CORIN: variants seen among roughly 807,000 people sequenced by gnomAD.
The protein encoded by CORIN is atrial natriuretic peptide-converting enzyme.
CORIN carries 117 observed loss-of-function variants against 125.3 expected under a neutral mutation model. That is an observed-to-expected ratio of 0.93 (90% CI 0.80 to 1.09). The LOEUF (loss-of-function observed/expected upper bound fraction) is 1.09. CORIN is among the 50% of genes least tolerant of loss of function. The pLI is 0.00. For missense variants in CORIN, 1,253 were observed against 1,306.7 expected (o/e 0.96, Z 0.63); for synonymous variants, 450 against 466.4 (o/e 0.96, Z 0.45).
intron 19 of CORIN, among the ~76,000 whole-genome samples, chr4:47,603,882 G>A (rs1406499415): frequency 6.6e-6 from 1 of 152,136 alleles, no homozygotes; most frequent in African/African-American, 2.4e-5. Context: ...TTCCTGAATG[G>A]GGCTAGTCTT....
intron 5 of CORIN, among the ~76,000 whole-genome samples, chr4:47,701,826 G>A (rs1371058185): frequency 6.6e-6 from 1 of 151,384 alleles, no homozygotes; most frequent in African/African-American, 2.4e-5. Context: ...AGGGCGGGAG[G>A]GAGGGGTGAG....
chr4:47,819,596 G>T (rs1577950804), intron 1 of CORIN, among the ~76,000 whole-genome samples: 1 of 152,074 alleles, frequency 6.6e-6, no homozygotes, highest in African/African-American at 2.4e-5. Flanking sequence ...GAGACATGAA[G>T]GGAATCAGAG....
At chr4:47,820,310 A>G (rs1732453445) in intron 1 of CORIN, among the ~76,000 whole-genome samples, 1 of 152,128 alleles carries the variant, frequency 6.6e-6, no homozygotes, top group Non-Finnish European at 1.5e-5. Flanking sequence ...ACGTCAGACT[A>G]GGAGCTTGGG....
intron 16 of CORIN, among the ~76,000 whole-genome samples, chr4:47,641,037 G>A (rs1210145547): frequency 1.3e-5 from 2 of 152,026 alleles, no homozygotes; most frequent in Non-Finnish European, 2.9e-5. Context: ...TAAAGATGTT[G>A]GTCTTCACAT....
At chr4:47,614,376 C>T (rs1409534130) in intron 19 of CORIN, among the ~76,000 whole-genome samples, 1 of 152,006 alleles carries the variant, frequency 6.6e-6, no homozygotes, top group East Asian at 1.9e-4. Flanking sequence ...TTTCTATTTT[C>T]AGTAGAGATG....
intron 16 of CORIN, among the ~76,000 whole-genome samples, chr4:47,637,715 C>T (rs1177368690): frequency 1.3e-5 from 2 of 152,220 alleles, no homozygotes; most frequent in Non-Finnish European, 2.9e-5. Context: ...GTGGAAATGC[C>T]TGGATGCCTA....
At position 47,603,465 on chromosome 4, in the gene CORIN, T is replaced by C. The variant is rs766623536; in HGVS notation, c.2744A>G (p.Asn915Ser). Reference sequence around the variant, plus strand: ...GTCAGGCTCTAGCCACTGCTCCGGGTTGGGCAAGCAGACAGGCCGGACGTA... The same window carrying C: ...GTCAGGCTCTAGCCACTGCTCCGGGCTGGGCAAGCAGACAGGCCGGACGTA... ...TGYVRPVCLP[N>S]PEQWLEPDTY... Residue 915 changes from asparagine to serine, a missense_variant, in exon 20 of 22, where the codon AAC becomes AGC. Asn to Ser is a conservative substitution (Grantham distance 46). Coordinates refer to ENST00000273857, the MANE Select transcript of CORIN (RefSeq NM_006587.4). 6.2e-7 allele frequency: 1 copy of C among 1,614,090 alleles called. No individual in the cohort carries two copies. The highest frequency in any genetic ancestry group is 1.1e-5 in the South Asian group (1 of 91,064).
chr4:47,827,698 T>C (rs1164668089), intron 1 of CORIN, among the ~76,000 whole-genome samples: 1 of 152,246 alleles, frequency 6.6e-6, no homozygotes, highest in Admixed American at 6.5e-5. Context: ...ACATTTTTAT[T>C]ATGTTTTTTT....
intron 10 of CORIN, among the ~76,000 whole-genome samples, chr4:47,672,527 G>C: frequency 6.6e-6 from 1 of 152,010 alleles, no homozygotes; most frequent in South Asian, 2.1e-4. Flanking sequence ...TAAGTTGAAG[G>C]TGAAGTAAGG....
At chr4:47,679,304 T>C (rs559149494) in intron 8 of CORIN, among the ~76,000 whole-genome samples, 53 of 152,290 alleles carry the variant, frequency 3.5e-4, no homozygotes, top group Non-Finnish European at 5.0e-4. Flanking sequence ...AACAACTGTC[T>C]GAAGATTTTC....
intron 5 of CORIN, among the ~76,000 whole-genome samples, chr4:47,705,581 C>A (rs1298522465): frequency 6.6e-6 from 1 of 152,190 alleles, no homozygotes; most frequent in Non-Finnish European, 1.5e-5. Context: ...ATAGTCAAAA[C>A]TGATTTCGAC....
chr4:47,785,997 G>C (rs1437762510), intron 3 of CORIN, among the ~76,000 whole-genome samples: 1 of 151,490 alleles, frequency 6.6e-6, no homozygotes, highest in Non-Finnish European at 1.5e-5. Flanking sequence ...CCTCCTGCAA[G>C]GGACCAACCA....
chr4:47,799,251 G>C (rs941538200), intron 2 of CORIN, among the ~76,000 whole-genome samples: 4 of 152,004 alleles, frequency 2.6e-5, no homozygotes, highest in African/African-American at 9.7e-5. Flanking sequence ...ATGAGTGTGT[G>C]TGTCTTTTTG....
intron 16 of CORIN, among the ~76,000 whole-genome samples, chr4:47,637,362 C>T (rs28853103): frequency 0.027 from 4,133 of 152,202 alleles, 183 homozygotes; most frequent in African/African-American, 0.093. Context: ...GCAGAAGTAA[C>T]GAGGAGCAGA....
At chr4:47,760,591 T>C (rs1162803656) in intron 4 of CORIN, among the ~76,000 whole-genome samples, 1 of 152,234 alleles carries the variant, frequency 6.6e-6, no homozygotes, top group African/African-American at 2.4e-5. Flanking sequence ...GCATACTTGT[T>C]AACGGCCTTA....
At chr4:47,779,655 C>T (rs79759534) in intron 3 of CORIN, among the ~76,000 whole-genome samples, 22,983 of 151,756 alleles carry the variant, frequency 0.15, 1,925 homozygotes, top group East Asian at 0.32. Flanking sequence ...AGGCTGGTCC[C>T]GAACTCTTGA....
At chr4:47,674,962 T>C (rs1724947774) in intron 9 of CORIN, among the ~76,000 whole-genome samples, 1 of 152,200 alleles carries the variant, frequency 6.6e-6, no homozygotes, top group African/African-American at 2.4e-5. Context: ...AAATAGGGCA[T>C]CAACACCAAT....
In CORIN at chr4:47,706,424, T is replaced by C. The variant is rs1726555167; in HGVS notation, c.800-13341A>G. The C allele has an allele frequency of 3.1e-6, 5 of 1,609,606 alleles. No individual in the cohort carries two copies. The South Asian group carries it at 4.4e-5, about 14-fold the overall frequency. On this transcript the variant is annotated intron_variant, in intron 5 of 21. Coordinates refer to ENST00000273857, the MANE Select transcript of CORIN (RefSeq NM_006587.4). ...CTATGGAGAAAGAAGCAGTCTGATG[T>C]CACGCGCTTTCTTCTGAGGGTCCGC...
intron 1 of CORIN, among the ~76,000 whole-genome samples, chr4:47,818,600 G>C (rs1169114133): frequency 1.3e-5 from 2 of 152,160 alleles, no homozygotes. Context: ...GTCAGACAAG[G>C]TGGCTCACAC....
Sources: allele counts gnomAD v4.1 joint callset (sites outside exome capture counted in the v4.1 genomes callset), GRCh38; gene constraint gnomAD v4.1.1; transcripts MANE v1.5; gene names NCBI Gene and HGNC (gene_info 2026-07-23, HGNC 2026-07-21).